GNPAT: variants seen among roughly 807,000 people sequenced by gnomAD.
The protein encoded by GNPAT is dihydroxyacetone phosphate acyltransferase.
GNPAT carries 30 observed loss-of-function variants against 78.4 expected under a neutral mutation model. The observed-to-expected ratio is 0.38, with a 90% CI of 0.29 to 0.52. The LOEUF (loss-of-function observed/expected upper bound fraction) is 0.52, where lower values mean the gene tolerates loss of function less well. Ranked by LOEUF, GNPAT falls within the 20% of genes least tolerant of loss-of-function variation. GNPAT has a pLI of 0.84. For missense variants in GNPAT, 714 were observed against 812.2 expected (o/e 0.88, Z 1.47); for synonymous variants, 271 against 281.1 (o/e 0.96, Z 0.36).
At chr1:231,247,058 G>A (rs988844074) in intron 1 of GNPAT, among the ~76,000 whole-genome samples, 3 of 152,004 alleles carry the variant, frequency 2.0e-5, no homozygotes, top group East Asian at 3.9e-4. Context: ...AGTCCCAGCC[G>A]CTCGGCAGGC....
chr1:231,269,964 A>C (rs1312763289), intron 9 of GNPAT: 2 of 152,300 alleles, frequency 1.3e-5, no homozygotes, highest in African/African-American at 4.8e-5. Context: ...CAAGTTGTTC[A>C]AGAATGAATG....
chr1:231,277,431 G>A (rs573505796), intron 15 of GNPAT, 68 bp from the exon 16 acceptor site: 1 of 924,964 alleles, frequency 1.1e-6, no homozygotes, highest in South Asian at 1.3e-5. Flanking sequence ...AGTCGCCCAA[G>A]GAACAGCTGT....
chr1:231,273,961 G>T lies in GNPAT; in HGVS notation c.1642G>T (p.Ala548Ser). ...EGCYLLCKSE[A>S]IQVTTKDILV... is the part of the protein sequence containing the mutation. The stretch of plus-strand genomic sequence containing the variant: ...CTGTTACCTGCTTTGTAAAAGTGAA[G>T]CCATACAAGTGACTACGAAAGACAT... Residue 548 changes from alanine (A) to serine (S), a missense_variant, in exon 12 of 16, where the codon GCC becomes TCC. By Grantham distance (99) the Ala-to-Ser change is moderately conservative (BLOSUM62 1). Transcript: ENST00000366647. 6.2e-7 allele frequency: 1 copy of T among 1,612,716 alleles called. No individual in the cohort carries two copies. Among genetic ancestry groups the T allele is most frequent in the Non-Finnish European group, 8.5e-7 (1 of 1,178,726 alleles).
intron 1 of GNPAT, among the ~76,000 whole-genome samples, chr1:231,247,538 A>C (rs1684782483): frequency 6.6e-6 from 1 of 152,224 alleles, no homozygotes; most frequent in Non-Finnish European, 1.5e-5. Flanking sequence ...CAGAAGAGGT[A>C]AACACAAGCT....
chr1:231,244,373 A>G (rs1040890210), intron 1 of GNPAT, among the ~76,000 whole-genome samples: 7 of 152,236 alleles, frequency 4.6e-5, no homozygotes, highest in Admixed American at 3.3e-4. Flanking sequence ...GAGCCCAGGA[A>G]GAAGGGAAAT....
chr1:231,268,630 G>A (rs960597182), intron 9 of GNPAT, among the ~76,000 whole-genome samples: 2 of 144,882 alleles, frequency 1.4e-5, no homozygotes, highest in South Asian at 2.2e-4. Flanking sequence ...AAAAAAGGCC[G>A]GGCGTGGTGG....
rs1053270855 is a variant in GNPAT, at chr1:231,277,634, A to G, written c.*92A>G. ...AACAGGGAAGTAAAGGAAGAGACAC[A>G]TCCTCTCATACTCCCTGAGACTCTG... On this transcript the variant is annotated 3_prime_UTR_variant, in exon 16 of 16. Coordinates refer to ENST00000366647, the MANE Select transcript of GNPAT (RefSeq NM_014236.4). The G allele has an allele frequency of 4.4e-5, 35 of 800,930 alleles. No individual in the cohort carries two copies. The highest frequency in any genetic ancestry group is 7.5e-5 in the Non-Finnish European group (33 of 441,406). The allele number at this position is 800,930 out of a possible 1,614,324, so 49.6% of individuals were successfully genotyped here.
chr1:231,272,451 G>T (rs1292071955), intron 11 of GNPAT, 60 bp downstream of exon 11: 10 of 914,356 alleles, frequency 1.1e-5, no homozygotes, highest in South Asian at 2.6e-5. Flanking sequence ...AAATGTTAGG[G>T]GTGAATTCAC....
At position 231,267,673 on chromosome 1, in the gene GNPAT, C is replaced by G; in HGVS notation, c.1056-7C>G. On this transcript the variant is annotated splice_polypyrimidine_tract_variant and splice_region_variant and intron_variant, in intron 8 of 15. Transcript: ENST00000366647. ...TGTAATTTGTTGCTCTGTGCTCTTC[C>G]TTTTAGATACATTCCTCAGAAACAG... 2 of 1,505,246 alleles carry G rather than the reference C, an allele frequency of 1.3e-6. No homozygotes were observed. The highest frequency in any genetic ancestry group is 1.9e-6 in the Non-Finnish European group (2 of 1,080,568). 93.2% of individuals were successfully genotyped at this position (1,505,246 alleles called of 1,614,324 possible).
intron 1 of GNPAT, 29 bp from the exon 2 acceptor site, chr1:231,250,932 T>C (rs754177902): frequency 7.0e-7 from 1 of 1,421,924 alleles, no homozygotes; most frequent in East Asian, 2.3e-5. Context: ...TTACAGTATG[T>C]GCTCATTACT....
Position 231,268,068 on chromosome 1 carries a change from C to A in GNPAT, c.1279+165C>A, listed in dbSNP as rs144864838. 3.8e-3 allele frequency among the ~76,000 whole-genome samples: 573 copies of A among 151,664 alleles called. 2 individuals carry two copies. The highest frequency in any genetic ancestry group is 0.013 in the African/African-American group (547 of 41,348). On this transcript the variant is annotated intron_variant, in intron 9 of 15. Coordinates refer to ENST00000366647, the MANE Select transcript of GNPAT (RefSeq NM_014236.4). ...CTGTAATCCCAGCACTTTGGGAGGCCAAGGCAGGTGGATCACGAGGTCAGG... is the reference window on the plus strand; with the variant it reads ...CTGTAATCCCAGCACTTTGGGAGGCAAAGGCAGGTGGATCACGAGGTCAGG...
intron 2 of GNPAT, among the ~76,000 whole-genome samples, chr1:231,256,272 G>C (rs997142692): frequency 6.6e-6 from 1 of 151,908 alleles, no homozygotes. Flanking sequence ...AATTCAAGAT[G>C]TATAAGTCAA....
chr1:231,272,543 TCAG>T, intron 11 of GNPAT, 152 bp downstream of exon 11: 1 of 651,538 alleles, frequency 1.5e-6, no homozygotes, highest in Non-Finnish European at 2.9e-6. Context: ...CGCTCACAGT[TCAG>T]CAGACTCTAG....
chr1:231,272,189 T>G, intron 10 of GNPAT, 123 bp from the exon 11 acceptor site: 1 of 677,456 alleles, frequency 1.5e-6, no homozygotes, highest in South Asian at 1.4e-5. Flanking sequence ...GACTTAATTC[T>G]TGTCCCTGTT....
At chr1:231,258,177 C>CT (rs1475125556) in intron 2 of GNPAT, 1 of 152,384 alleles carries the variant, frequency 6.6e-6, no homozygotes, top group East Asian at 1.9e-4. Context: ...ATCTGAGTAA[C>CT]TGTTTCACCA....
At position 231,266,224 on chromosome 1, in the gene GNPAT, T is replaced by C. The variant is rs1281969671; in HGVS notation, c.925-53T>C. ...ATGTGCTGACTGACACATCAACTAA[T>C]TTCTAAATTTACTGCTTTTCGTTTT... is the stretch of plus-strand genomic sequence containing the variant. On this transcript the variant is annotated intron_variant, in intron 7 of 15. Coordinates refer to ENST00000366647, the MANE Select transcript of GNPAT (RefSeq NM_014236.4). The C allele has an allele frequency of 2.5e-6, 4 of 1,613,390 alleles. No homozygotes were observed. In the Admixed American group the frequency reaches 6.7e-5, roughly 27 times the overall value.
chr1:231,261,730 G>A (rs1012956508), intron 3 of GNPAT, among the ~76,000 whole-genome samples: 1 of 152,250 alleles, frequency 6.6e-6, no homozygotes, highest in Middle Eastern at 3.4e-3. Context: ...ATTGCCAAAT[G>A]ATGACTTTTC....
Position 231,256,513 on chromosome 1 carries a change from G to A in GNPAT, c.262-3994G>A, listed in dbSNP as rs554108963. ...TTTTTTTTTTTTTTTTTGAGAGGGA[G>A]TCTTGCTCTGTTGCCCAGGCTGGAG... On this transcript the variant is annotated intron_variant, in intron 2 of 15. Transcript: ENST00000366647. Among the ~76,000 whole-genome samples, 32 of 136,296 alleles carry A rather than the reference G, an allele frequency of 2.3e-4. 1 individual carries two copies. Among genetic ancestry groups the A allele is most frequent in the African/African-American group, 8.6e-4 (31 of 35,900 alleles). 89.4% of individuals were successfully genotyped at this position (136,296 alleles called of 152,430 possible).
intron 3 of GNPAT, among the ~76,000 whole-genome samples, chr1:231,261,977 G>A (rs74143600): frequency 1.2e-4 from 18 of 152,260 alleles, no homozygotes; most frequent in African/African-American, 4.3e-4. Flanking sequence ...TGGGACCAAG[G>A]GTGGTGGTGA....
Sources: allele counts gnomAD v4.1 joint callset (sites outside exome capture counted in the v4.1 genomes callset), GRCh38; gene constraint gnomAD v4.1.1; transcripts MANE v1.5; gene names NCBI Gene and HGNC (gene_info 2026-07-23, HGNC 2026-07-21).